The following AGBL1 variants were observed in gnomAD, a reference collection of about 807,000 sequenced individuals.
The protein encoded by AGBL1 is AGBL carboxypeptidase 1.
In AGBL1, 130 loss-of-function variants were observed where a neutral mutation model predicts 118.9. The observed-to-expected ratio is 1.09, with a 90% confidence interval of 0.95 to 1.26. The LOEUF (loss-of-function observed/expected upper bound fraction) is 1.26. AGBL1 is among the 50% of genes most tolerant of loss of function. The probability of loss-of-function intolerance (pLI) is 0.00; values close to 1 mark genes in which losing one functional copy is unlikely to be tolerated. For missense variants in AGBL1, 1,584 were observed against 1,298.1 expected, an observed-to-expected ratio of 1.22 and a Z score of -3.38; for synonymous variants, 555 against 478.9, an observed-to-expected ratio of 1.16 and a Z score of -2.08.
chr15:86,346,354 CTT>C (rs967491673), intron 17 of AGBL1, among the ~76,000 whole-genome samples: 1 of 138,436 alleles, frequency 7.2e-6, no homozygotes, highest in Admixed American at 7.2e-5. Context: ...TTTTCTTTTT[CTT>C]TTTTTTTTGA....
At position 86,159,767 on chromosome 15, in the gene AGBL1, A is replaced by G. The variant is rs564232204; in HGVS notation, c.488+741A>G. ...CCAAGATAGATGGGATCATTTGGCA[A>G]GTAACATTTCCATGCCCAACCATGA... is the stretch of plus-strand genomic sequence containing the variant. On this transcript the variant is annotated intron_variant, in intron 5 of 22. Coordinates refer to ENST00000614907, the MANE Select transcript of AGBL1 (RefSeq NM_001386094.1). Among the ~76,000 whole-genome samples, 3 of 152,274 alleles carry G rather than the reference A, an allele frequency of 2.0e-5. No individual in the cohort carries two copies. In the South Asian group the frequency reaches 6.2e-4, roughly 32 times the overall value.
chr15:86,472,179 T>A (rs1157901782), intron 18 of AGBL1, among the ~76,000 whole-genome samples: 2 of 152,220 alleles, frequency 1.3e-5, no homozygotes, highest in Non-Finnish European at 2.9e-5. Flanking sequence ...TGTGAGAGAA[T>A]ACATTTCTGT....
At chr15:86,658,956 C>T (rs1410744446) in intron 21 of AGBL1, among the ~76,000 whole-genome samples, 1 of 152,138 alleles carries the variant, frequency 6.6e-6, no homozygotes, top group African/African-American at 2.4e-5. Flanking sequence ...GTTATAGTAA[C>T]GGTCCCTTCA....
At chr15:86,230,266 G>A (rs1306173233) in intron 6 of AGBL1, among the ~76,000 whole-genome samples, 2 of 152,202 alleles carry the variant, frequency 1.3e-5, no homozygotes, top group African/African-American at 2.4e-5. Flanking sequence ...AATCAGCAAT[G>A]CAGAGACGGG....
intron 21 of AGBL1, among the ~76,000 whole-genome samples, chr15:86,566,636 A>G (rs1414687400): frequency 6.6e-6 from 1 of 151,936 alleles, no homozygotes; most frequent in Non-Finnish European, 1.5e-5. Flanking sequence ...AGTTCTTTGG[A>G]CTTGCGCAGC....
chr15:86,542,142 T>C (rs1596246634), intron 19 of AGBL1, among the ~76,000 whole-genome samples: 1 of 152,168 alleles, frequency 6.6e-6, no homozygotes, highest in East Asian at 1.9e-4. Flanking sequence ...TTTAGTAAGG[T>C]CAAGATTCCA....
At chr15:86,610,202 C>T (rs2084638220) in intron 21 of AGBL1, among the ~76,000 whole-genome samples, 1 of 152,156 alleles carries the variant, frequency 6.6e-6, no homozygotes, top group South Asian at 2.1e-4. Flanking sequence ...TTTGACATGA[C>T]AGCACTGTGG....
At chr15:86,471,925 C>T (rs1018762215) in intron 18 of AGBL1, among the ~76,000 whole-genome samples, 1 of 152,060 alleles carries the variant, frequency 6.6e-6, no homozygotes, top group Non-Finnish European at 1.5e-5. Context: ...ATGAGATTAC[C>T]CTAGTTTATC....
chr15:86,223,456 G>T (rs977555532), intron 5 of AGBL1, among the ~76,000 whole-genome samples: 3 of 152,034 alleles, frequency 2.0e-5, no homozygotes, highest in African/African-American at 7.2e-5. Context: ...ATATACTATG[G>T]CACCTGGATT....
intron 24 of AGBL1, among the ~76,000 whole-genome samples, chr15:87,014,625 G>T (rs536875798): frequency 1.1e-4 from 17 of 152,268 alleles, no homozygotes; most frequent in African/African-American, 3.9e-4. Flanking sequence ...TGCTTATAAA[G>T]TCCATTACAA....
chr15:86,620,688 G>A (rs1204133394), intron 21 of AGBL1, among the ~76,000 whole-genome samples: 1 of 152,050 alleles, frequency 6.6e-6, no homozygotes, highest in South Asian at 2.1e-4. Context: ...TCTACTTTCT[G>A]GTTTGAAGTG....
chr15:86,339,617 C>T (rs1407824951), intron 17 of AGBL1, among the ~76,000 whole-genome samples: 6 of 152,120 alleles, frequency 3.9e-5, no homozygotes, highest in Non-Finnish European at 8.8e-5. Flanking sequence ...CTCCATTCTG[C>T]TGTTTAGCCT....
intron 24 of AGBL1, among the ~76,000 whole-genome samples, chr15:87,016,196 G>C (rs553871279): frequency 6.6e-6 from 1 of 152,082 alleles, no homozygotes; most frequent in Non-Finnish European, 1.5e-5. Flanking sequence ...AGGAGAATCT[G>C]ACCCACTGAT....
chr15:86,343,021 A>T (rs1362737048), intron 17 of AGBL1, among the ~76,000 whole-genome samples: 2 of 152,194 alleles, frequency 1.3e-5, no homozygotes, highest in African/African-American at 4.8e-5. Context: ...ATACAGATGA[A>T]TGATCTTCAC....
At chr15:86,877,168 C>T (rs2079822359) in intron 22 of AGBL1, among the ~76,000 whole-genome samples, 1 of 152,118 alleles carries the variant, frequency 6.6e-6, no homozygotes, top group African/African-American at 2.4e-5. Context: ...AATCCCTGCC[C>T]ACTCTTCCTG....
At chr15:86,454,066 A>G (rs78084364) in intron 18 of AGBL1, among the ~76,000 whole-genome samples, 2 of 151,954 alleles carry the variant, frequency 1.3e-5, no homozygotes, top group African/African-American at 2.4e-5. Flanking sequence ...TCTCTTCACT[A>G]CGTATGGAAG....
chr15:86,335,030 A>G (rs1595982781), intron 17 of AGBL1, among the ~76,000 whole-genome samples: 2 of 152,252 alleles, frequency 1.3e-5, no homozygotes, highest in Admixed American at 6.5e-5. Context: ...CAGTTGAAGA[A>G]CTTAAGAAAA....
intron 4 of AGBL1, among the ~76,000 whole-genome samples, chr15:86,156,127 G>C (rs567742174): frequency 1.3e-3 from 197 of 152,178 alleles, no homozygotes; most frequent in African/African-American, 4.6e-3. Context: ...CACCATGTTG[G>C]TCAGACTGGT....
intron 3 of AGBL1, among the ~76,000 whole-genome samples, chr15:86,153,654 A>AT (rs2077147888): frequency 6.6e-6 from 1 of 152,184 alleles, no homozygotes; most frequent in East Asian, 1.9e-4. Flanking sequence ...AACTTAAATT[A>AT]TTTTTTAAAA....
Sources: gnomAD v4.1 joint callset for allele counts (sites outside exome capture counted in the v4.1 genomes callset) on GRCh38, gnomAD v4.1.1 for gene constraint, MANE v1.5 for transcripts, NCBI Gene and HGNC (gene_info 2026-07-23, HGNC 2026-07-21) for gene names.